The following PCNX1 variants were observed in gnomAD, a reference collection of about 807,000 sequenced individuals.
The protein encoded by PCNX1 is pecanex 1.
A neutral mutation model predicts 242.2 loss-of-function variants in PCNX1; 78 were observed. That is an observed-to-expected ratio of 0.32 (90% confidence interval 0.27 to 0.39). PCNX1 has a LOEUF of 0.39. Among genes scored for constraint, PCNX1 ranks in the 10% least tolerant of loss-of-function variants. The pLI is 1.00. For missense variants in PCNX1, 2,581 were observed against 2,856.5 expected (o/e 0.90, Z 2.20); for synonymous variants, 1,024 against 1,032.9 (o/e 0.99, Z 0.17).
At chr14:70,915,275 T>TA (rs1246198399) in intron 1 of PCNX1, among the ~76,000 whole-genome samples, 1 of 152,164 alleles carries the variant, frequency 6.6e-6, no homozygotes, top group Non-Finnish European at 1.5e-5. Flanking sequence ...CTGGAAAACT[T>TA]TACGGAATCT....
intron 2 of PCNX1, among the ~76,000 whole-genome samples, chr14:70,948,834 A>G (rs2057586428): frequency 6.8e-6 from 1 of 146,198 alleles, no homozygotes; most frequent in Non-Finnish European, 1.5e-5. Flanking sequence ...TTACTCGTAT[A>G]AATAAAATGT....
At chr14:70,944,770 A>G (rs186790856) in intron 1 of PCNX1, among the ~76,000 whole-genome samples, 2 of 152,278 alleles carry the variant, frequency 1.3e-5, no homozygotes, top group East Asian at 3.9e-4. Flanking sequence ...AGATAATTGA[A>G]TGATGGGGGC....
chr14:70,949,378 C>T (rs770918290), intron 2 of PCNX1, among the ~76,000 whole-genome samples: 4 of 112,710 alleles, frequency 3.5e-5, no homozygotes, highest in African/African-American at 9.9e-5. Flanking sequence ...TAGACACATA[C>T]GTGTATATAC....
intron 11 of PCNX1, among the ~76,000 whole-genome samples, chr14:71,013,803 T>A (rs2059887931): frequency 6.6e-6 from 1 of 152,148 alleles, no homozygotes; most frequent in African/African-American, 2.4e-5. Context: ...TTGAGAGAGT[T>A]TCTAGGCTGC....
intron 2 of PCNX1, among the ~76,000 whole-genome samples, chr14:70,954,187 A>T (rs2057902453): frequency 6.6e-6 from 1 of 152,268 alleles, no homozygotes; most frequent in East Asian, 1.9e-4. Context: ...AGTAATTTGC[A>T]GCAGTCTCTA....
chr14:70,976,700 G>A lies in PCNX1; in HGVS notation c.605-242G>A, dbSNP rs187983349. Among the ~76,000 whole-genome samples, 7 of 152,082 alleles carry A rather than the reference G, an allele frequency of 4.6e-5. No individual in the cohort carries two copies. The South Asian group carries it at 6.2e-4, about 14-fold the overall frequency. On this transcript the variant is annotated intron_variant, in intron 5 of 35. Transcript: ENST00000304743. The stretch of plus-strand genomic sequence containing the variant: ...TTTGTTTCCTCTTAATTTTATTGTT[G>A]ATAGTCTATACAACTCTTTCTGAGG...
chr14:71,061,456 C>T lies in PCNX1; in HGVS notation c.4852+3732C>T, dbSNP rs140180893. Among the ~76,000 whole-genome samples, 341 of 152,240 alleles carry T rather than the reference C, an allele frequency of 2.2e-3. 2 individuals are homozygous for T. Among genetic ancestry groups the T allele is most frequent in the African/African-American group, 7.9e-3 (327 of 41,560 alleles). ...CTCCTTTTATTGGTGATCTTTATCC[C>T]GGTATCAAAGTGGTATTTCTGCCTC... On this transcript the variant is annotated intron_variant, in intron 26 of 35. Coordinates refer to ENST00000304743, the MANE Select transcript of PCNX1 (RefSeq NM_014982.3).
intron 1 of PCNX1, among the ~76,000 whole-genome samples, chr14:70,942,205 C>T (rs1047574901): frequency 4.6e-5 from 7 of 152,184 alleles, no homozygotes; most frequent in African/African-American, 1.7e-4. Flanking sequence ...TCTTCTGCAT[C>T]GCTCACGCTG....
chr14:71,042,839 G>A (rs180727927), intron 19 of PCNX1, among the ~76,000 whole-genome samples: 24 of 151,704 alleles, frequency 1.6e-4, no homozygotes, highest in Admixed American at 1.6e-3. Context: ...AATTTGATTG[G>A]TTTTTTGTAG....
At chr14:71,089,480 G>T in intron 30 of PCNX1, 138 bp downstream of exon 30, 1 of 638,976 alleles carries the variant, frequency 1.6e-6, no homozygotes, top group South Asian at 2.5e-5. Flanking sequence ...AGGTTTAATT[G>T]ACTCACAGTT....
chr14:71,093,119 A>G (rs555454358), intron 30 of PCNX1: 2 of 152,324 alleles, frequency 1.3e-5, no homozygotes, highest in Admixed American at 1.3e-4. Context: ...TGTCAGTGCT[A>G]TGGAAGAGAA....
intron 19 of PCNX1, among the ~76,000 whole-genome samples, chr14:71,042,739 TGGAGGCATACTCC>T (rs2060746534): frequency 6.6e-6 from 1 of 152,190 alleles, no homozygotes; most frequent in Non-Finnish European, 1.5e-5. Context: ...TTTTGCTAGG[TGGAGGCATACTCC>T]CATCATTTTG....
chr14:70,930,485 G>A (rs2056755857), intron 1 of PCNX1, among the ~76,000 whole-genome samples: 1 of 152,144 alleles, frequency 6.6e-6, no homozygotes, highest in African/African-American at 2.4e-5. Context: ...GCATTCTATT[G>A]TAGCTAAAAA....
At chr14:71,108,505 A>G (rs996759885) in intron 33 of PCNX1, 99 bp from the exon 34 acceptor site, 5 of 875,958 alleles carry the variant, frequency 5.7e-6, no homozygotes, top group Non-Finnish European at 8.9e-6. Context: ...TCAGTTCACC[A>G]ATTAATTGCT....
intron 8 of PCNX1, among the ~76,000 whole-genome samples, chr14:70,998,782 A>G (rs1262746519): frequency 6.6e-6 from 1 of 150,436 alleles, no homozygotes; most frequent in Non-Finnish European, 1.5e-5. Flanking sequence ...AGAAAAACTG[A>G]CATAGTTTTC....
intron 26 of PCNX1, among the ~76,000 whole-genome samples, chr14:71,068,160 C>T (rs549531247): frequency 5.3e-5 from 8 of 151,802 alleles, no homozygotes; most frequent in Non-Finnish European, 1.0e-4. Flanking sequence ...AACCCCGTCT[C>T]TACTAAAAAT....
intron 2 of PCNX1, among the ~76,000 whole-genome samples, chr14:70,960,733 T>C (rs1240014959): frequency 6.6e-6 from 1 of 152,174 alleles, no homozygotes; most frequent in Non-Finnish European, 1.5e-5. Context: ...TTGTCCCTGT[T>C]TGCAGGTGAT....
chr14:71,050,951 C>A (rs1431001642), intron 23 of PCNX1, among the ~76,000 whole-genome samples, 191 bp downstream of exon 23: 5 of 151,936 alleles, frequency 3.3e-5, no homozygotes, highest in African/African-American at 1.2e-4. Context: ...GGCGGATCAC[C>A]TGAGATTGGG....
chr14:71,085,660 T>C (rs1351222584), intron 28 of PCNX1: 1 of 165,968 alleles, frequency 6.0e-6, no homozygotes, highest in Admixed American at 6.4e-5. Context: ...TCAAAGTCTA[T>C]AGGATTAAAA....
Sources: allele counts gnomAD v4.1 joint callset (sites outside exome capture counted in the v4.1 genomes callset), GRCh38; gene constraint gnomAD v4.1.1; transcripts MANE v1.5; gene names NCBI Gene and HGNC (gene_info 2026-07-23, HGNC 2026-07-21).